Variants in FBXO34 observed in about 807,000 individuals in gnomAD.
FBXO34 encodes the protein F-box protein 34.
Under a neutral mutation model 24.5 loss-of-function variants are expected in FBXO34, and 12 were observed. The observed-to-expected ratio is 0.49, with a 90% confidence interval of 0.31 to 0.79. FBXO34 has a LOEUF of 0.79. Among genes scored for constraint, FBXO34 ranks in the 30% least tolerant of loss-of-function variants. The pLI, the probability that FBXO34 is intolerant of heterozygous loss-of-function variation, is 0.04. For synonymous variants in FBXO34, 320 were observed against 311.9 expected, an observed-to-expected ratio of 1.03 and a Z score of -0.27; for missense variants, 823 against 857.7, an observed-to-expected ratio of 0.96 and a Z score of 0.51.
chr14:55,391,037 G>T, the FBXO34 span: 1 of 1,333,702 alleles, frequency 7.5e-7, no homozygotes, highest in South Asian at 1.3e-5. Context: ...GGTCTCTTAT[G>T]GTTAATATGA....
chr14:55,350,351 CT>C (rs764885987), intron 1 of FBXO34, 29 bp from the exon 2 acceptor site: 5 of 1,442,914 alleles, frequency 3.5e-6, no homozygotes, highest in Non-Finnish European at 4.6e-6. Flanking sequence ...AAATTGGTTT[CT>C]GAATCAAATG....
intron 1 of FBXO34, among the ~76,000 whole-genome samples, chr14:55,306,240 C>A (rs1231451173): frequency 1.3e-5 from 2 of 152,168 alleles, no homozygotes; most frequent in African/African-American, 4.8e-5. Context: ...GTCAGGGAAA[C>A]CATATGAGAG....
chr14:55,309,889 G>T (rs1882678037), intron 1 of FBXO34, among the ~76,000 whole-genome samples: 1 of 152,166 alleles, frequency 6.6e-6, no homozygotes, highest in Admixed American at 6.5e-5. Flanking sequence ...TTTAGATTGG[G>T]TAGGGTGGGA....
chr14:55,314,808 G>A (rs1370480885), intron 1 of FBXO34, among the ~76,000 whole-genome samples: 2 of 152,194 alleles, frequency 1.3e-5, no homozygotes, highest in African/African-American at 4.8e-5. Context: ...AGTATTAAAT[G>A]TACATAGTTT....
chr14:55,349,243 C>T (rs995541114), intron 1 of FBXO34, among the ~76,000 whole-genome samples: 1 of 151,820 alleles, frequency 6.6e-6, no homozygotes, highest in African/African-American at 2.4e-5. Flanking sequence ...GTGACTTGCC[C>T]AAGGTAAAAT....
intron 1 of FBXO34, among the ~76,000 whole-genome samples, chr14:55,293,830 T>C (rs1268438349): frequency 1.5e-5 from 2 of 130,654 alleles, no homozygotes; most frequent in Non-Finnish European, 3.4e-5. Flanking sequence ...TTTTATGAAG[T>C]GTGGTTTTTT....
chr14:55,427,880 C>CTT, the FBXO34 span, among the ~76,000 whole-genome samples: 73 of 130,864 alleles, frequency 5.6e-4, 1 homozygote, highest in African/African-American at 1.3e-3. Context: ...GTTAGGATTG[C>CTT]TTTTTTTTTT....
chr14:55,356,904 A>G (rs149179826), downstream of FBXO34, among the ~76,000 whole-genome samples: 791 of 152,126 alleles, frequency 5.2e-3, 6 homozygotes, highest in African/African-American at 0.018. Flanking sequence ...GCATGTCACT[A>G]TGCCTGGCTA....
intron 1 of FBXO34, chr14:55,299,338 G>C: frequency 2.3e-6 from 1 of 437,394 alleles, no homozygotes; most frequent in Non-Finnish European, 4.3e-6. Context: ...AAGCAGTAGG[G>C]CCGCATTGCT....
chr14:55,331,433 T>G (rs898758773), intron 1 of FBXO34, among the ~76,000 whole-genome samples: 2 of 151,528 alleles, frequency 1.3e-5, no homozygotes, highest in Non-Finnish European at 2.9e-5. Flanking sequence ...GATGTAATTT[T>G]CTAATTTCTA....
intron 1 of FBXO34, among the ~76,000 whole-genome samples, chr14:55,291,397 T>A (rs1881940673): frequency 6.6e-6 from 1 of 152,170 alleles, no homozygotes; most frequent in African/African-American, 2.4e-5. Flanking sequence ...GGGTGAAGCA[T>A]ATGCAGCATG....
At chr14:55,431,808 T>C in the FBXO34 span, among the ~76,000 whole-genome samples, 1 of 152,228 alleles carries the variant, frequency 6.6e-6, no homozygotes, top group Non-Finnish European at 1.5e-5. Context: ...TTAATATAAA[T>C]TCAGTCCCTC....
At chr14:55,425,725 ACCCAC>A in the FBXO34 span, among the ~76,000 whole-genome samples, 1 of 152,104 alleles carries the variant, frequency 6.6e-6, no homozygotes, top group Non-Finnish European at 1.5e-5. Context: ...CTTGATCTCT[ACCCAC>A]CCCCAATTAC....
At chr14:55,439,331 G>A in the FBXO34 span, among the ~76,000 whole-genome samples, 1 of 149,618 alleles carries the variant, frequency 6.7e-6, no homozygotes, top group Admixed American at 6.7e-5. Context: ...GGCAAACCCT[G>A]CAACCACCAG....
rs141627386 is a variant in FBXO34, at chr14:55,335,914, A to G, written c.-10-14467A>G. Among the ~76,000 whole-genome samples the G allele has an allele frequency of 6.5e-3, 996 of 152,326 alleles. 11 individuals are homozygous for G. Among genetic ancestry groups the G allele is most frequent in the African/African-American group, 0.023 (939 of 41,576 alleles). On this transcript the variant is annotated intron_variant, in intron 1 of 1. Coordinates refer to ENST00000313833, the MANE Select transcript of FBXO34 (RefSeq NM_017943.4). Reference sequence around the variant, plus strand: ...ACATCACTATTAATATTTTAAAATTAGTACTGTCATTTTCCCTTCCTACAT... The same window carrying G: ...ACATCACTATTAATATTTTAAAATTGGTACTGTCATTTTCCCTTCCTACAT...
Position 55,350,389 on chromosome 14 carries a change from T to TTA in FBXO34, c.1_2dup. 1 of 1,548,208 alleles carries TTA rather than the reference T, an allele frequency of 6.5e-7. No individual in the cohort carries two copies. ...GTATTTCTTTCCTATAGGGGCTTTG[T>TTA]TATGCACCTAAAGCCATATTGGAAG... On this transcript the variant is annotated 5_prime_UTR_variant, in exon 2 of 2. Coordinates refer to ENST00000313833, the MANE Select transcript of FBXO34 (RefSeq NM_017943.4).
chr14:55,442,474 A>T, the FBXO34 span, among the ~76,000 whole-genome samples: 1 of 152,108 alleles, frequency 6.6e-6, no homozygotes, highest in African/African-American at 2.4e-5. Flanking sequence ...AATTTTGATA[A>T]CTAATTTTAA....
intron 1 of FBXO34, among the ~76,000 whole-genome samples, chr14:55,340,169 G>A (rs1883943185): frequency 2.6e-5 from 4 of 152,120 alleles, no homozygotes; most frequent in Admixed American, 2.6e-4. Flanking sequence ...GGGAGTACGG[G>A]GGTGTGCCAC....
chr14:55,381,167 C>G, the FBXO34 span, among the ~76,000 whole-genome samples: 5 of 152,186 alleles, frequency 3.3e-5, no homozygotes, highest in East Asian at 9.7e-4. Context: ...CCTTTCTCCC[C>G]TGAGAAGGGC....
Sources: allele counts gnomAD v4.1 joint callset (sites outside exome capture counted in the v4.1 genomes callset), GRCh38; gene constraint gnomAD v4.1.1; transcripts MANE v1.5; gene names NCBI Gene and HGNC (gene_info 2026-07-23, HGNC 2026-07-21).